PRKN: variants seen among roughly 807,000 people sequenced by gnomAD.
PRKN encodes parkin RBR E3 ubiquitin protein ligase, also known as E3 ubiquitin-protein ligase parkin.
A neutral mutation model predicts 59.5 loss-of-function variants in PRKN; 56 were observed. The ratio of observed to expected loss-of-function variants is 0.94; its 90% CI spans 0.76 to 1.18. The LOEUF is 1.18. PRKN is among the 50% of genes most tolerant of loss of function. The pLI is 0.00. For synonymous variants in PRKN, 250 were observed against 222.1 expected (o/e 1.13, Z -1.12); for missense variants, 657 against 596.4 (o/e 1.10, Z -1.06).
chr6:162,415,282 GT>G (rs1455989574), intron 2 of PRKN, among the ~76,000 whole-genome samples: 3 of 152,128 alleles, frequency 2.0e-5, no homozygotes. Context: ...ACACCACTTT[GT>G]TTAAATGTGT....
At chr6:161,476,686 C>G (rs1325175399) in intron 9 of PRKN, among the ~76,000 whole-genome samples, 1 of 152,196 alleles carries the variant, frequency 6.6e-6, no homozygotes, top group Non-Finnish European at 1.5e-5. Flanking sequence ...CGATTTGTTT[C>G]TTTGACACTG....
At chr6:162,023,503 C>T (rs1783293828) in intron 5 of PRKN, among the ~76,000 whole-genome samples, 2 of 152,206 alleles carry the variant, frequency 1.3e-5, no homozygotes. Context: ...CCAAACTCCA[C>T]GTGGTTCTGC....
At chr6:161,425,006 A>T (rs945764087) in intron 9 of PRKN, among the ~76,000 whole-genome samples, 3 of 152,210 alleles carry the variant, frequency 2.0e-5, no homozygotes, top group Admixed American at 2.0e-4. Flanking sequence ...TCATAGGCCC[A>T]CATTAAGTAA....
chr6:162,119,051 A>AG (rs1780795758), intron 4 of PRKN, among the ~76,000 whole-genome samples: 1 of 152,194 alleles, frequency 6.6e-6, no homozygotes, highest in African/African-American at 2.4e-5. Context: ...TCAGATAGAT[A>AG]TTATAGTAGT....
intron 7 of PRKN, among the ~76,000 whole-genome samples, chr6:161,738,583 C>T (rs1788060979): frequency 6.6e-6 from 1 of 152,184 alleles, no homozygotes; most frequent in Non-Finnish European, 1.5e-5. Flanking sequence ...CACCAGCTCC[C>T]ACACACGCAG....
chr6:161,588,619 C>T lies in PRKN; in HGVS notation c.872-19203G>A, dbSNP rs754724880. On this transcript the variant is annotated intron_variant, in intron 7 of 11. Coordinates refer to ENST00000366898, the MANE Select transcript of PRKN (RefSeq NM_004562.3). The surrounding 1 kb of genome is among the most constrained non-coding windows in gnomAD (Gnocchi z 5.0). ...TGGGGCTGGACCTCTCGGTGCATAC[C>T]GTAAAGCCCCATGATACTGATCCAT... Among the ~76,000 whole-genome samples the T allele has an allele frequency of 5.5e-4, 83 of 151,908 alleles. No homozygotes were observed. The highest frequency in any genetic ancestry group is 9.0e-4 in the Non-Finnish European group (61 of 67,956).
chr6:162,103,623 G>GA (rs199818629), intron 4 of PRKN, among the ~76,000 whole-genome samples: 2,704 of 139,564 alleles, frequency 0.019, 41 homozygotes, highest in Middle Eastern at 0.036. Flanking sequence ...TTTAACTTCT[G>GA]AAAAAAAAAA....
At chr6:161,904,488 T>C (rs1320477836) in intron 6 of PRKN, among the ~76,000 whole-genome samples, 1 of 151,942 alleles carries the variant, frequency 6.6e-6, no homozygotes, top group Admixed American at 6.6e-5. Flanking sequence ...GCTAATTTTT[T>C]GTATTTTTAG....
chr6:161,788,039 T>C (rs568486019), intron 6 of PRKN, among the ~76,000 whole-genome samples: 1 of 152,328 alleles, frequency 6.6e-6, no homozygotes, highest in South Asian at 2.1e-4. Flanking sequence ...CCCGCCACAG[T>C]GGCCCAGAAA....
intron 1 of PRKN, among the ~76,000 whole-genome samples, chr6:162,612,893 A>G (rs1332964701): frequency 1.3e-5 from 2 of 152,122 alleles, no homozygotes; most frequent in African/African-American, 4.8e-5. Flanking sequence ...GGATCATTCA[A>G]TTGTAGGTTT....
intron 7 of PRKN, among the ~76,000 whole-genome samples, chr6:161,726,579 A>G (rs1787449568): frequency 6.6e-6 from 1 of 152,212 alleles, no homozygotes; most frequent in Non-Finnish European, 1.5e-5. Flanking sequence ...AAATAAATTC[A>G]TCATTTATGA....
chr6:161,985,212 T>G (rs1171580923), intron 5 of PRKN, among the ~76,000 whole-genome samples: 2 of 152,232 alleles, frequency 1.3e-5, no homozygotes, highest in Non-Finnish European at 2.9e-5. Flanking sequence ...AGAACATTTA[T>G]TATTCTAGCT....
At chr6:161,751,362 T>C (rs904534042) in intron 7 of PRKN, among the ~76,000 whole-genome samples, 3 of 152,224 alleles carry the variant, frequency 2.0e-5, no homozygotes, top group African/African-American at 7.2e-5. Flanking sequence ...GCTGAATAGC[T>C]TGGTACACTC....
chr6:162,083,422 T>C (rs7747287), intron 4 of PRKN, among the ~76,000 whole-genome samples: 115,019 of 151,864 alleles, frequency 0.76, 43,934 homozygotes, highest in East Asian at 0.86. Flanking sequence ...TTGTAAAAAA[T>C]ACAATACCAG....
intron 2 of PRKN, among the ~76,000 whole-genome samples, chr6:162,268,671 T>C (rs2128102278): frequency 6.6e-6 from 1 of 152,168 alleles, no homozygotes; most frequent in South Asian, 2.1e-4. Flanking sequence ...CACAGAGAAG[T>C]TCACGATGGG....
intron 2 of PRKN, among the ~76,000 whole-genome samples, chr6:162,402,203 T>C (rs1031881201): frequency 3.3e-5 from 5 of 150,196 alleles, no homozygotes; most frequent in African/African-American, 9.8e-5. Flanking sequence ...GAGCTGAGAT[T>C]GCACCACTGC....
At position 161,549,936 on chromosome 6, in the gene PRKN, T is replaced by C. The variant is rs1231520236; in HGVS notation, c.934-933A>G. On this transcript the variant is annotated intron_variant, in intron 8 of 11. Coordinates refer to ENST00000366898, the MANE Select transcript of PRKN (RefSeq NM_004562.3). The surrounding 1 kb of genome is among the most constrained non-coding windows in gnomAD (Gnocchi z 6.0). ...AGGTTAGAATGTCTAGGATTTCCAA[T>C]GGTGCTAAGTGAGGAAGAAAATAAT... 6.6e-6 allele frequency among the ~76,000 whole-genome samples: 1 copy of C among 152,090 alleles called. No individual in the cohort carries two copies. The highest frequency in any genetic ancestry group is 1.5e-5 in the Non-Finnish European group (1 of 68,014).
intron 2 of PRKN, among the ~76,000 whole-genome samples, chr6:162,307,776 G>C (rs1382304120): frequency 6.6e-6 from 1 of 152,048 alleles, no homozygotes; most frequent in Non-Finnish European, 1.5e-5. Context: ...CAACATCCAT[G>C]CTCCCAAACA....
chr6:162,483,088 T>TA (rs1381663766), intron 1 of PRKN, among the ~76,000 whole-genome samples: 1 of 152,188 alleles, frequency 6.6e-6, no homozygotes, highest in African/African-American at 2.4e-5. Flanking sequence ...TCCATAAATA[T>TA]ATGCTACTCA....
Sources: allele counts gnomAD v4.1 joint callset (sites outside exome capture counted in the v4.1 genomes callset), GRCh38; gene constraint gnomAD v4.1.1; non-coding constraint Gnocchi (gnomAD v3.1); transcripts MANE v1.5; gene names NCBI Gene and HGNC (gene_info 2026-07-23, HGNC 2026-07-21).